ATXN1: variants seen among roughly 807,000 people sequenced by gnomAD.
The protein encoded by ATXN1 is ataxin-1.
A neutral mutation model predicts 56.4 loss-of-function variants in ATXN1; 8 were observed. The ratio of observed to expected loss-of-function variants is 0.14; its 90% CI spans 0.08 to 0.26. The LOEUF (loss-of-function observed/expected upper bound fraction) is 0.26. Ranked by LOEUF, ATXN1 falls within the 10% of genes least tolerant of loss-of-function variation. ATXN1 has a pLI of 1.00. For synonymous variants in ATXN1, 514 were observed against 494.6 expected, an observed-to-expected ratio of 1.04 and a Z score of -0.52; for missense variants, 987 against 1,106.5, an observed-to-expected ratio of 0.89 and a Z score of 1.53.
chr6:16,619,198 C>T (rs1197416313), intron 3 of ATXN1, among the ~76,000 whole-genome samples: 3 of 151,662 alleles, frequency 2.0e-5, no homozygotes, highest in Non-Finnish European at 1.5e-5. Flanking sequence ...TCATGGTTGG[C>T]AAGTGCTCAA....
chr6:16,347,505 G>A (rs915379737), intron 6 of ATXN1, among the ~76,000 whole-genome samples: 1 of 137,340 alleles, frequency 7.3e-6, no homozygotes, highest in African/African-American at 2.7e-5. Context: ...CTAAGGGATT[G>A]TAAATACACC....
chr6:16,562,234 G>A (rs1455973251), intron 4 of ATXN1, among the ~76,000 whole-genome samples: 1 of 151,560 alleles, frequency 6.6e-6, no homozygotes, highest in East Asian at 1.9e-4. Flanking sequence ...TTAGCCAGGT[G>A]TGGTGGCCTG....
chr6:16,577,819 G>C (rs1176825512), intron 4 of ATXN1, among the ~76,000 whole-genome samples: 1 of 152,190 alleles, frequency 6.6e-6, no homozygotes, highest in East Asian at 1.9e-4. Flanking sequence ...AATAGCATAT[G>C]TAGAGGGCTC....
At chr6:16,505,352 A>AGGTC (rs1240464452) in intron 5 of ATXN1, among the ~76,000 whole-genome samples, 2 of 152,214 alleles carry the variant, frequency 1.3e-5, no homozygotes, top group African/African-American at 4.8e-5. Flanking sequence ...AGTATGAAAA[A>AGGTC]GGTCCCTTAT....
In ATXN1 at chr6:16,447,331, TCTC is replaced by T; in HGVS notation, c.-161+38638_-161+38640del. On this transcript the variant is annotated intron_variant, in intron 6 of 7. Transcript: ENST00000436367. ...CCTTGGCCTCTTGGGTTCAAACTATTCTCCTGCCTCAGCCTCCTGAGTAGCTGG... is the reference window on the plus strand; with the variant it reads ...CCTTGGCCTCTTGGGTTCAAACTATTCTGCCTCAGCCTCCTGAGTAGCTGG... 2.6e-5 allele frequency among the ~76,000 whole-genome samples: 4 copies of T among 152,306 alleles called. No individual in the cohort carries two copies. In the Middle Eastern group the frequency reaches 0.01, roughly 389 times the overall value.
At chr6:16,673,946 G>T (rs780568466) in intron 2 of ATXN1, among the ~76,000 whole-genome samples, 3 of 152,140 alleles carry the variant, frequency 2.0e-5, no homozygotes, top group Admixed American at 1.3e-4. Context: ...AGGGCAAAAT[G>T]GTCCCCAGTT....
At chr6:16,648,142 T>C (rs766819609) in intron 3 of ATXN1, among the ~76,000 whole-genome samples, 1 of 152,272 alleles carries the variant, frequency 6.6e-6, no homozygotes, top group Non-Finnish European at 1.5e-5. Flanking sequence ...ATGTAGATCC[T>C]TAAGATTTCA....
At chr6:16,314,079 T>C (rs1265716562) in intron 7 of ATXN1, among the ~76,000 whole-genome samples, 1 of 152,250 alleles carries the variant, frequency 6.6e-6, no homozygotes, top group South Asian at 2.1e-4. Context: ...CTGATCATTG[T>C]AGGCACAGAT....
intron 2 of ATXN1, among the ~76,000 whole-genome samples, chr6:16,742,786 T>C (rs938333103): frequency 2.6e-5 from 4 of 152,182 alleles, no homozygotes; most frequent in Non-Finnish European, 4.4e-5. Context: ...GGTTTCATAC[T>C]TGACGAGCAG....
At chr6:16,346,675 A>C (rs1489242966) in intron 6 of ATXN1, among the ~76,000 whole-genome samples, 1 of 152,110 alleles carries the variant, frequency 6.6e-6, no homozygotes, top group Non-Finnish European at 1.5e-5. Flanking sequence ...GCCGGGTCTC[A>C]CTCTGTCACC....
chr6:16,334,482 G>A (rs531332490), intron 6 of ATXN1, among the ~76,000 whole-genome samples: 1 of 152,244 alleles, frequency 6.6e-6, no homozygotes, highest in African/African-American at 2.4e-5. Flanking sequence ...GCTCACACCT[G>A]TAATCCCAGC....
At chr6:16,492,012 G>A (rs1410680120) in intron 5 of ATXN1, among the ~76,000 whole-genome samples, 1 of 152,076 alleles carries the variant, frequency 6.6e-6, no homozygotes, top group Non-Finnish European at 1.5e-5. Context: ...AAAACCATGT[G>A]AGCTTGAAAA....
intron 6 of ATXN1, among the ~76,000 whole-genome samples, chr6:16,406,524 G>A (rs572621436): frequency 6.6e-6 from 1 of 152,130 alleles, no homozygotes; most frequent in Non-Finnish European, 1.5e-5. Context: ...CATCTAATTA[G>A]GAATTAATAG....
intron 6 of ATXN1, among the ~76,000 whole-genome samples, chr6:16,368,246 G>C (rs1305516232): frequency 6.6e-6 from 1 of 151,482 alleles, no homozygotes; most frequent in African/African-American, 2.4e-5. Context: ...TTCTGAGCCT[G>C]TGCAGTGACC....
intron 4 of ATXN1, among the ~76,000 whole-genome samples, chr6:16,585,070 A>AT (rs1034432447): frequency 7.3e-5 from 11 of 151,452 alleles, no homozygotes; most frequent in African/African-American, 2.7e-4. Context: ...TCATCACTAT[A>AT]TAAAAAAAAA....
In ATXN1 at chr6:16,464,476, C is replaced by T. The variant is rs555428583; in HGVS notation, c.-161+21496G>A. 5.9e-5 allele frequency among the ~76,000 whole-genome samples: 9 copies of T among 152,210 alleles called. No homozygotes were observed. The East Asian group carries it at 1.7e-3, about 30-fold the overall frequency. ...CCTTCCACGCTGTGGAAGCTTTGTC[C>T]TTTTGCTCTTCACAATAAACCTTGC... On this transcript the variant is annotated intron_variant, in intron 6 of 7. Coordinates refer to ENST00000436367, the MANE Select transcript of ATXN1 (RefSeq NM_001128164.2).
intron 5 of ATXN1, among the ~76,000 whole-genome samples, chr6:16,502,646 T>C (rs887170669): frequency 6.6e-6 from 1 of 152,220 alleles, no homozygotes; most frequent in African/African-American, 2.4e-5. Context: ...GAATCGGAAT[T>C]GTCAACCAGG....
At chr6:16,698,650 T>A (rs1188390612) in intron 2 of ATXN1, among the ~76,000 whole-genome samples, 29 of 135,358 alleles carry the variant, frequency 2.1e-4, no homozygotes, top group South Asian at 9.5e-4. Flanking sequence ...CCTCAAAAAT[T>A]AAAAAAAAAA....
intron 1 of ATXN1, chr6:16,761,072 A>ACACACACACACACG: frequency 2.8e-6 from 1 of 351,864 alleles, no homozygotes; most frequent in Non-Finnish European, 5.6e-6. Flanking sequence ...ACATACACAC[A>ACACACACACACACG]CACACACACA....
Sources: gnomAD v4.1 joint callset for allele counts (sites outside exome capture counted in the v4.1 genomes callset) on GRCh38, gnomAD v4.1.1 for gene constraint, MANE v1.5 for transcripts, NCBI Gene and HGNC (gene_info 2026-07-23, HGNC 2026-07-21) for gene names.